Variants in TDP1 observed in about 807,000 individuals in gnomAD.
The protein encoded by TDP1 is tyr-DNA phosphodiesterase 1.
TDP1 carries 64 observed loss-of-function variants against 81.5 expected under a neutral mutation model. The ratio of observed to expected loss-of-function variants is 0.79; its 90% CI spans 0.64 to 0.97. The LOEUF (loss-of-function observed/expected upper bound fraction) is 0.97, where lower values mean the gene tolerates loss of function less well. TDP1 is among the 50% of genes least tolerant of loss of function. The pLI is 0.00. For missense variants in TDP1, 723 were observed against 743.8 expected (o/e 0.97, Z 0.33); for synonymous variants, 256 against 264.3 (o/e 0.97, Z 0.30).
intron 14 of TDP1, among the ~76,000 whole-genome samples, chr14:90,017,280 C>G (rs947787805): frequency 2.0e-5 from 3 of 151,996 alleles, no homozygotes; most frequent in African/African-American, 7.3e-5. Context: ...TGGAAATACC[C>G]CATCTTCCTG....
intron 14 of TDP1, among the ~76,000 whole-genome samples, chr14:90,015,783 C>T (rs761911070): frequency 1.3e-5 from 2 of 152,138 alleles, no homozygotes; most frequent in Non-Finnish European, 2.9e-5. Flanking sequence ...TAACCCAAAG[C>T]CCCTGCTCCT....
rs150501824 is a variant in TDP1 at position 89,961,752 on chromosome 14, A to G, written c.-7-1356A>G. On this transcript the variant is annotated intron_variant, in intron 2 of 16. Transcript: ENST00000335725. ...CATATGCATATGTATTGATTTGCAA[A>G]TCTTTTGATGTAGAATAATGTTGAA... Among the ~76,000 whole-genome samples the G allele has an allele frequency of 1.5e-3, 234 of 152,234 alleles. 3 individuals carry two copies. In the East Asian group the frequency reaches 0.018, roughly 12 times the overall value.
At chr14:90,025,579 A>C (rs567473090) in intron 15 of TDP1, among the ~76,000 whole-genome samples, 1 of 152,346 alleles carries the variant, frequency 6.6e-6, no homozygotes, top group South Asian at 2.1e-4. Flanking sequence ...TAGTAGTAGT[A>C]GTCGCCTAAT....
At chr14:90,007,232 T>C (rs1884135391) in intron 14 of TDP1, among the ~76,000 whole-genome samples, 1 of 152,188 alleles carries the variant, frequency 6.6e-6, no homozygotes, top group African/African-American at 2.4e-5. Context: ...TTATTTGTTT[T>C]TCTAAAACTC....
intron 10 of TDP1, among the ~76,000 whole-genome samples, chr14:89,986,810 T>C (rs1323541108): frequency 6.6e-6 from 1 of 152,214 alleles, no homozygotes; most frequent in African/African-American, 2.4e-5. Context: ...GGGAAGTGTA[T>C]GTGTAAGTAT....
At chr14:89,960,492 A>T (rs980765504) in intron 2 of TDP1, among the ~76,000 whole-genome samples, 2 of 152,202 alleles carry the variant, frequency 1.3e-5, no homozygotes, top group African/African-American at 4.8e-5. Flanking sequence ...TACCTATGCT[A>T]TGAGTTTTAA....
intron 16 of TDP1, among the ~76,000 whole-genome samples, chr14:90,033,777 A>G (rs1887549862): frequency 1.3e-5 from 2 of 152,214 alleles, no homozygotes; most frequent in Admixed American, 1.3e-4. Flanking sequence ...TGTAACGTAC[A>G]TTTATGCCAG....
intron 14 of TDP1, among the ~76,000 whole-genome samples, chr14:90,007,836 A>G (rs766251094): frequency 6.6e-6 from 1 of 151,980 alleles, no homozygotes; most frequent in African/African-American, 2.4e-5. Context: ...AGTTCAAGCA[A>G]TCCTTCCACC....
chr14:90,005,398 G>A (rs1348862159), intron 14 of TDP1, among the ~76,000 whole-genome samples: 2 of 152,028 alleles, frequency 1.3e-5, no homozygotes, highest in East Asian at 1.9e-4. Context: ...AAGGGTTCTC[G>A]AGGTTTAAAA....
At chr14:89,968,531 A>G (rs1228882985) in intron 5 of TDP1, among the ~76,000 whole-genome samples, 1 of 152,234 alleles carries the variant, frequency 6.6e-6, no homozygotes, top group East Asian at 1.9e-4. Context: ...CAACACCTGC[A>G]TCTATTTCAT....
chr14:90,010,343 C>T (rs955210635), intron 14 of TDP1, among the ~76,000 whole-genome samples: 3 of 152,144 alleles, frequency 2.0e-5, no homozygotes, highest in Non-Finnish European at 4.4e-5. Flanking sequence ...CAAACATTTG[C>T]AACATAATTG....
intron 14 of TDP1, among the ~76,000 whole-genome samples, chr14:90,008,157 T>C (rs759010200): frequency 1.3e-5 from 2 of 152,252 alleles, no homozygotes; most frequent in Non-Finnish European, 2.9e-5. Flanking sequence ...GGTAAAATTA[T>C]TGGCTATTAT....
chr14:90,003,634 C>T (rs973149480), intron 14 of TDP1, among the ~76,000 whole-genome samples: 7 of 152,280 alleles, frequency 4.6e-5, no homozygotes, highest in Non-Finnish European at 1.0e-4. Flanking sequence ...AGAACAGTTA[C>T]GAAAGTTGTG....
chr14:89,983,311 G>A, intron 8 of TDP1: 1 of 355,558 alleles, frequency 2.8e-6, no homozygotes, highest in Admixed American at 3.8e-5. Context: ...TCCAGAACAT[G>A]GGCTCCAGCC....
At chr14:89,965,687 C>A in intron 3 of TDP1, 1 of 732,962 alleles carries the variant, frequency 1.4e-6, no homozygotes, top group African/African-American at 1.9e-5. Context: ...TCCTTTCATT[C>A]ACAGGCCACA....
At chr14:89,983,270 CA>C in intron 8 of TDP1, 1 of 390,242 alleles carries the variant, frequency 2.6e-6, no homozygotes, top group Non-Finnish European at 5.0e-6. Flanking sequence ...AGAGCTTACC[CA>C]AAATGGTATA....
rs775591648 is a variant in TDP1 at position 89,963,496 on chromosome 14, G to A, written c.382G>A (p.Glu128Lys). 8.1e-6 allele frequency: 13 copies of A among 1,603,898 alleles called. No homozygotes were observed. Among genetic ancestry groups the A allele is most frequent in the Non-Finnish European group, 8.5e-7 (1 of 1,174,712 alleles). ...APNDGTAQRT[E>K]NHGAPACHRL... ...CAATGACGGCACTGCCCAAAGAACTGAAAATCATGGCGCTCCCGCCTGCCA... is the reference window on the plus strand; with the variant it reads ...CAATGACGGCACTGCCCAAAGAACTAAAAATCATGGCGCTCCCGCCTGCCA... Residue 128 changes from glutamate to lysine, a missense_variant, in exon 3 of 17, where the codon GAA becomes AAA. Glu to Lys is a moderately conservative substitution (Grantham distance 56, BLOSUM62 1). Coordinates refer to ENST00000335725, the MANE Select transcript of TDP1 (RefSeq NM_018319.4).
chr14:90,015,909 A>T (rs2140245810), intron 14 of TDP1, among the ~76,000 whole-genome samples: 1 of 152,252 alleles, frequency 6.6e-6, no homozygotes, highest in Middle Eastern at 3.4e-3. Context: ...TCAGTTCCTA[A>T]CACTCGGTAA....
intron 3 of TDP1, among the ~76,000 whole-genome samples, chr14:89,964,663 GTTTTC>G (rs2139957038): frequency 6.6e-6 from 1 of 152,190 alleles, no homozygotes; most frequent in East Asian, 1.9e-4. Flanking sequence ...TCTACAGGTT[GTTTTC>G]TTTTTGAGAA....
Sources: gnomAD v4.1 joint callset for allele counts (sites outside exome capture counted in the v4.1 genomes callset) on GRCh38, gnomAD v4.1.1 for gene constraint, MANE v1.5 for transcripts, NCBI Gene and HGNC (gene_info 2026-07-23, HGNC 2026-07-21) for gene names.